SV2C: variants seen among roughly 807,000 people sequenced by gnomAD.
SV2C encodes solute carrier family 22 member B3.
SV2C carries 49 observed loss-of-function variants against 79.7 expected under a neutral mutation model. The observed-to-expected ratio is 0.61, with a 90% CI of 0.49 to 0.78. SV2C has a LOEUF of 0.78. Among genes scored for constraint, SV2C ranks in the 30% least tolerant of loss-of-function variants. SV2C has a pLI of 0.00. For missense variants in SV2C, 833 were observed against 912.9 expected (o/e 0.91, Z 1.13); for synonymous variants, 334 against 333.2 (o/e 1.00, Z -0.03).
chr5:76,012,116 A>G, the SV2C span, among the ~76,000 whole-genome samples: 3 of 152,158 alleles, frequency 2.0e-5, no homozygotes, highest in Non-Finnish European at 4.4e-5. Flanking sequence ...TCTTTTGGCT[A>G]TATATCCAGT....
chr5:76,295,907 T>C lies in SV2C; in HGVS notation c.1467T>C (p.Asn489=). ...TCACTATTAACTTTACAATGGAAAA[T>C]CAGATTCATACTGGAATGGAATACG... The part of the protein sequence containing the change: ...ANFTINFTME[N]QIHTGMEYDN... Residue 489 remains asparagine (N), a synonymous_variant, in exon 9 of 13, where the codon AAT becomes AAC. Coordinates refer to ENST00000502798, the MANE Select transcript of SV2C (RefSeq NM_014979.4). 1 of 1,611,922 alleles carries C rather than the reference T, an allele frequency of 6.2e-7. No homozygotes were observed. The highest frequency in any genetic ancestry group is 8.5e-7 in the Non-Finnish European group (1 of 1,179,158).
the SV2C span, among the ~76,000 whole-genome samples, chr5:76,051,310 G>A: frequency 6.6e-6 from 1 of 152,152 alleles, no homozygotes. Context: ...GTTGAAGATG[G>A]ACACAGTAAC....
chr5:75,958,717 C>T, the SV2C span, among the ~76,000 whole-genome samples: 2 of 151,836 alleles, frequency 1.3e-5, no homozygotes, highest in African/African-American at 2.4e-5. Flanking sequence ...TCATTTTCTC[C>T]GTTTCTTTTT....
chr5:75,981,951 A>G, the SV2C span, among the ~76,000 whole-genome samples: 9 of 151,838 alleles, frequency 5.9e-5, no homozygotes, highest in Non-Finnish European at 1.3e-4. Flanking sequence ...ATGAGAGAAA[A>G]TTTTTGCAAA....
intron 4 of SV2C, among the ~76,000 whole-genome samples, chr5:76,267,972 C>T (rs1249748262): frequency 1.3e-5 from 2 of 152,180 alleles, no homozygotes; most frequent in East Asian, 3.8e-4. Flanking sequence ...TGGGTCCCAG[C>T]CCAGCCCTCC....
At chr5:76,044,919 A>T in the SV2C span, among the ~76,000 whole-genome samples, 1 of 152,134 alleles carries the variant, frequency 6.6e-6, no homozygotes, top group Admixed American at 6.5e-5. Flanking sequence ...CTTTAGTTTA[A>T]TTAGATCCCA....
At chr5:76,283,672 A>C (rs939137957) in intron 4 of SV2C, among the ~76,000 whole-genome samples, 1 of 152,250 alleles carries the variant, frequency 6.6e-6, no homozygotes, top group African/African-American at 2.4e-5. Flanking sequence ...AGTTTATGAT[A>C]TAATTAATAT....
chr5:76,010,235 G>T, the SV2C span, among the ~76,000 whole-genome samples: 7 of 152,034 alleles, frequency 4.6e-5, no homozygotes, highest in Non-Finnish European at 1.0e-4. Context: ...GCTCTTCCCA[G>T]GATGCAGAGA....
At chr5:76,024,695 G>A in the SV2C span, among the ~76,000 whole-genome samples, 1 of 152,132 alleles carries the variant, frequency 6.6e-6, no homozygotes, top group Non-Finnish European at 1.5e-5. Context: ...CCCAGTGTGT[G>A]TAGGAGATTG....
At position 76,133,952 on chromosome 5, in the gene SV2C, A is replaced by G. The variant is rs184045118; in HGVS notation, c.580+1622A>G. Among the ~76,000 whole-genome samples, 207 of 152,336 alleles carry G rather than the reference A, an allele frequency of 1.4e-3. 1 individual carries two copies. Among genetic ancestry groups the G allele is most frequent in the Non-Finnish European group, 5.7e-4 (39 of 68,036 alleles). Reference sequence around the variant, plus strand: ...TAATAATTGCCAGCTTAAATTTAGAATAAAAAATATTTTAATGTTATGGTC... The same window carrying G: ...TAATAATTGCCAGCTTAAATTTAGAGTAAAAAATATTTTAATGTTATGGTC... On this transcript the variant is annotated intron_variant, in intron 2 of 12. Transcript: ENST00000502798.
At chr5:75,993,046 GC>G in the SV2C span, among the ~76,000 whole-genome samples, 1 of 152,066 alleles carries the variant, frequency 6.6e-6, no homozygotes, top group Non-Finnish European at 1.5e-5. Flanking sequence ...GTGAAAGGAT[GC>G]CTGCTTTGTA....
At chr5:76,183,513 C>G (rs1743818428) in intron 2 of SV2C, among the ~76,000 whole-genome samples, 1 of 151,828 alleles carries the variant, frequency 6.6e-6, no homozygotes, top group Non-Finnish European at 1.5e-5. Flanking sequence ...CCACCTCTAC[C>G]CTCCCCTTCT....
chr5:75,907,747 T>C, the SV2C span, among the ~76,000 whole-genome samples: 1 of 152,216 alleles, frequency 6.6e-6, no homozygotes. Flanking sequence ...AGTTTGTTTA[T>C]TTTTGTCTCT....
chr5:76,230,499 A>G (rs77669953), intron 4 of SV2C, among the ~76,000 whole-genome samples: 17,869 of 152,158 alleles, frequency 0.12, 3,047 homozygotes, highest in African/African-American at 0.38. Flanking sequence ...CATAAGATTT[A>G]TGAAGAACAA....
At chr5:76,078,459 A>G (rs932006389), upstream of SV2C, among the ~76,000 whole-genome samples, 1 of 152,218 alleles carries the variant, frequency 6.6e-6, no homozygotes, top group African/African-American at 2.4e-5. Flanking sequence ...TTAGAATGTA[A>G]GAGATGAGAA....
the SV2C span, among the ~76,000 whole-genome samples, chr5:75,967,824 T>C: frequency 2.0e-5 from 3 of 152,188 alleles, no homozygotes; most frequent in Non-Finnish European, 4.4e-5. Context: ...AAGAGAGTAG[T>C]GGTTCTCCCA....
At chr5:75,911,771 G>C in the SV2C span, 1 of 596,766 alleles carries the variant, frequency 1.7e-6, no homozygotes, top group South Asian at 1.4e-5. Context: ...TCCTCGGAGG[G>C]CCAAGACCAG....
chr5:76,037,499 C>A, the SV2C span, among the ~76,000 whole-genome samples: 1 of 151,944 alleles, frequency 6.6e-6, no homozygotes, highest in Non-Finnish European at 1.5e-5. Flanking sequence ...GTTGGAGTAC[C>A]CGGCCGTGTG....
the SV2C span, among the ~76,000 whole-genome samples, chr5:75,943,259 T>A: frequency 6.6e-6 from 1 of 152,198 alleles, no homozygotes; most frequent in Non-Finnish European, 1.5e-5. Context: ...AATTAGATAC[T>A]GTTTAAACTG....
Sources: gnomAD v4.1 joint callset for allele counts (sites outside exome capture counted in the v4.1 genomes callset) on GRCh38, gnomAD v4.1.1 for gene constraint, MANE v1.5 for transcripts, NCBI Gene and HGNC (gene_info 2026-07-23, HGNC 2026-07-21) for gene names.